The following PPFIA2 variants were observed in gnomAD, a reference collection of about 807,000 sequenced individuals.
The protein encoded by PPFIA2 is PPFI scaffold protein A2, also known as liprin-alpha-2.
PPFIA2 carries 46 observed loss-of-function variants against 175.5 expected under a neutral mutation model. The ratio of observed to expected loss-of-function variants is 0.26; its 90% CI spans 0.21 to 0.34. The LOEUF (loss-of-function observed/expected upper bound fraction) is 0.34. PPFIA2 is among the 10% of genes least tolerant of loss of function. The pLI is 1.00. For synonymous variants in PPFIA2, 568 were observed against 511.4 expected, an observed-to-expected ratio of 1.11 and a Z score of -1.49; for missense variants, 1,179 against 1,506.1, an observed-to-expected ratio of 0.78 and a Z score of 3.60.
At chr12:81,402,353 A>G (rs977756303) in intron 8 of PPFIA2, among the ~76,000 whole-genome samples, 3 of 152,210 alleles carry the variant, frequency 2.0e-5, no homozygotes, top group Non-Finnish European at 4.4e-5. Context: ...ATAAAAAAAA[A>G]ATAAGTATTA....
intron 26 of PPFIA2, among the ~76,000 whole-genome samples, chr12:81,282,165 T>C (rs73350754): frequency 0.063 from 9,634 of 152,040 alleles, 494 homozygotes; most frequent in African/African-American, 0.14. Flanking sequence ...AAATCAACCA[T>C]TACCACTAAA....
chr12:81,297,866 A>G (rs1216632609), intron 23 of PPFIA2, among the ~76,000 whole-genome samples: 13 of 152,230 alleles, frequency 8.5e-5, no homozygotes. Flanking sequence ...ACGAAAGGAG[A>G]TGAAGTTAAA....
At chr12:81,657,786 T>C (rs982842162) in intron 4 of PPFIA2, among the ~76,000 whole-genome samples, 2 of 152,134 alleles carry the variant, frequency 1.3e-5, no homozygotes, top group African/African-American at 4.8e-5. Context: ...TTCCCATACA[T>C]AATGAAGATC....
chr12:81,466,988 A>G (rs2055780270), intron 4 of PPFIA2, among the ~76,000 whole-genome samples: 1 of 150,262 alleles, frequency 6.7e-6, no homozygotes, highest in Admixed American at 6.7e-5. Flanking sequence ...TTTAATGGTA[A>G]CTGAAACGTA....
intron 22 of PPFIA2, among the ~76,000 whole-genome samples, chr12:81,300,371 T>C (rs2047518210): frequency 6.6e-6 from 1 of 152,202 alleles, no homozygotes; most frequent in African/African-American, 2.4e-5. Flanking sequence ...GAATATTTCA[T>C]GAAAATCATT....
At chr12:81,676,744 ACAATT>A in intron 4 of PPFIA2, 42 bp downstream of exon 4, 1 of 1,393,728 alleles carries the variant, frequency 7.2e-7, no homozygotes. Context: ...TGGTGTGTAC[ACAATT>A]CAATTCATCA....
intron 4 of PPFIA2, among the ~76,000 whole-genome samples, chr12:81,468,703 C>T (rs2056193703): frequency 6.6e-6 from 1 of 152,196 alleles, no homozygotes; most frequent in Admixed American, 6.5e-5. Context: ...TGGGCTACAA[C>T]ATTGTTTGCT....
At chr12:81,451,694 C>T (rs977775040) in intron 5 of PPFIA2, among the ~76,000 whole-genome samples, 1 of 151,976 alleles carries the variant, frequency 6.6e-6, no homozygotes, top group African/African-American at 2.4e-5. Context: ...TTCACTTATC[C>T]CCAATACCAA....
chr12:81,753,027 C>A (rs1197883425), intron 3 of PPFIA2, among the ~76,000 whole-genome samples: 1 of 151,790 alleles, frequency 6.6e-6, no homozygotes, highest in African/African-American at 2.4e-5. Flanking sequence ...CTCTGCCTCC[C>A]GGGTTCAAGC....
intron 4 of PPFIA2, among the ~76,000 whole-genome samples, chr12:81,595,244 A>ATG (rs1048962421): frequency 2.7e-5 from 4 of 150,436 alleles, no homozygotes; most frequent in Non-Finnish European, 5.9e-5. Context: ...GTTTATATAT[A>ATG]TATATATATA....
chr12:81,731,362 C>CT (rs1358918096), intron 3 of PPFIA2, among the ~76,000 whole-genome samples: 16 of 151,702 alleles, frequency 1.1e-4, no homozygotes, highest in Admixed American at 9.2e-4. Flanking sequence ...AGGTTTAGCA[C>CT]TTTTTTTGTA....
intron 2 of PPFIA2, among the ~76,000 whole-genome samples, chr12:81,756,287 C>T (rs1198313521): frequency 6.6e-6 from 1 of 152,108 alleles, no homozygotes; most frequent in Admixed American, 6.5e-5. Flanking sequence ...TTTTAAATTA[C>T]GTCCTTCTTG....
At chr12:81,331,944 C>T (rs1239134195) in intron 21 of PPFIA2, among the ~76,000 whole-genome samples, 4 of 152,082 alleles carry the variant, frequency 2.6e-5, no homozygotes, top group Non-Finnish European at 5.9e-5. Flanking sequence ...TCTGTGAAGA[C>T]TCAAAAGAGT....
intron 3 of PPFIA2, among the ~76,000 whole-genome samples, chr12:81,736,552 G>A (rs893958277): frequency 5.3e-5 from 8 of 151,906 alleles, no homozygotes; most frequent in Admixed American, 4.6e-4. Context: ...AGCTGTGAAG[G>A]GGATGCATTT....
rs558927383 is a variant in PPFIA2, at chr12:81,439,191, A to C, written c.645+781T>G. On this transcript the variant is annotated intron_variant, in intron 7 of 32. Coordinates refer to ENST00000549396, the MANE Select transcript of PPFIA2 (RefSeq NM_003625.5). ...CCTCTCTCTCTCTCTCTCTCTATAT[A>C]TATATATAATTTTATTTTATCTATG... Among the ~76,000 whole-genome samples the C allele has an allele frequency of 1.7e-3, 256 of 149,492 alleles. 1 individual carries two copies. The highest frequency in any genetic ancestry group is 6.0e-3 in the African/African-American group (246 of 41,004).
chr12:81,706,644 G>T (rs113386015), intron 3 of PPFIA2, among the ~76,000 whole-genome samples: 2 of 152,060 alleles, frequency 1.3e-5, no homozygotes, highest in African/African-American at 2.4e-5. Flanking sequence ...TGCCCCTACC[G>T]GGGGGTGCCT....
intron 4 of PPFIA2, among the ~76,000 whole-genome samples, chr12:81,673,079 C>T (rs916293162): frequency 5.3e-5 from 8 of 152,078 alleles, no homozygotes; most frequent in Admixed American, 3.3e-4. Context: ...CCACTAAATC[C>T]TACCTGTTGA....
chr12:81,598,116 A>G, intron 4 of PPFIA2: 2 of 1,523,018 alleles, frequency 1.3e-6, no homozygotes, highest in South Asian at 2.4e-5. Flanking sequence ...CCGTGCATGC[A>G]TTGAGGGAGA....
At chr12:81,306,010 C>T (rs1183086436) in intron 22 of PPFIA2, among the ~76,000 whole-genome samples, 1 of 152,096 alleles carries the variant, frequency 6.6e-6, no homozygotes, top group Non-Finnish European at 1.5e-5. Flanking sequence ...TCTGGGATGC[C>T]AATTTGTGGT....
Sources: allele counts gnomAD v4.1 joint callset (sites outside exome capture counted in the v4.1 genomes callset), GRCh38; gene constraint gnomAD v4.1.1; transcripts MANE v1.5; gene names NCBI Gene and HGNC (gene_info 2026-07-23, HGNC 2026-07-21).